Variants in LRRIQ3 observed in about 807,000 individuals in gnomAD.
The protein encoded by LRRIQ3 is leucine-rich repeat and IQ domain-containing protein 3.
In LRRIQ3, 75 loss-of-function variants were observed where a neutral mutation model predicts 59.3. That is an observed-to-expected ratio of 1.26 (90% CI 1.05 to 1.53). LRRIQ3 has a LOEUF of 1.53. Among genes scored for constraint, LRRIQ3 ranks in the 40% most tolerant of loss-of-function variants. The pLI, the probability that LRRIQ3 is intolerant of heterozygous loss-of-function variation, is 0.00. For synonymous variants in LRRIQ3, 250 were observed against 231.3 expected, an observed-to-expected ratio of 1.08 and a Z score of -0.73; for missense variants, 831 against 710.0, an observed-to-expected ratio of 1.17 and a Z score of -1.94.
intron 3 of LRRIQ3, chr1:74,181,756 T>A (rs968602871): frequency 3.3e-5 from 5 of 151,876 alleles, no homozygotes; most frequent in East Asian, 1.9e-4. Context: ...AGTAATAAAA[T>A]TCTTCCAACT....
intron 7 of LRRIQ3, among the ~76,000 whole-genome samples, chr1:74,029,940 T>C (rs953059458): frequency 3.3e-5 from 5 of 152,040 alleles, no homozygotes; most frequent in African/African-American, 1.2e-4. Flanking sequence ...GGTGTATGTG[T>C]CAAGGAATTT....
intron 5 of LRRIQ3, among the ~76,000 whole-genome samples, chr1:74,090,710 G>T (rs991952957): frequency 6.6e-6 from 1 of 151,384 alleles, no homozygotes; most frequent in Non-Finnish European, 1.5e-5. Flanking sequence ...CAACAACCTT[G>T]TCTCTAAAAA....
chr1:74,061,449 T>G (rs1316850821), intron 6 of LRRIQ3, among the ~76,000 whole-genome samples: 2 of 152,238 alleles, frequency 1.3e-5, no homozygotes, highest in Non-Finnish European at 2.9e-5. Flanking sequence ...ATTTTAAAAT[T>G]CGTATGGAAC....
intron 4 of LRRIQ3, among the ~76,000 whole-genome samples, chr1:74,123,018 G>C (rs1301128241): frequency 6.6e-6 from 1 of 152,112 alleles, no homozygotes; most frequent in Non-Finnish European, 1.5e-5. Flanking sequence ...TATTTCATTA[G>C]TCTTTTGAGA....
intron 4 of LRRIQ3, among the ~76,000 whole-genome samples, chr1:74,134,980 C>T (rs1647097628): frequency 6.6e-6 from 1 of 151,812 alleles, no homozygotes; most frequent in Non-Finnish European, 1.5e-5. Context: ...AATAGCAAAA[C>T]GTAAGTTTCT....
chr1:74,066,297 G>T lies in LRRIQ3; in HGVS notation c.997+8364C>A, dbSNP rs180868923. ...TCAAAGATCTCTAAAAATCAAGATA[G>T]CCTGTATATTACATAAATAATTATT... On this transcript the variant is annotated intron_variant, in intron 6 of 7. Coordinates refer to ENST00000354431, the MANE Select transcript of LRRIQ3 (RefSeq NM_001105659.2). Among the ~76,000 whole-genome samples, 66 of 151,438 alleles carry T rather than the reference G, an allele frequency of 4.4e-4. 1 individual carries two copies. Among genetic ancestry groups the T allele is most frequent in the East Asian group, 3.3e-3 (17 of 5,156 alleles).
chr1:74,183,731 A>C, intron 1 of LRRIQ3, 47 bp from the exon 2 acceptor site: 1 of 1,394,450 alleles, frequency 7.2e-7, no homozygotes, highest in Non-Finnish European at 9.4e-7. Context: ...CACTTTCAAA[A>C]ATTTACCTGA....
At chr1:74,034,314 C>T (rs1453783243) in intron 7 of LRRIQ3, among the ~76,000 whole-genome samples, 3 of 151,914 alleles carry the variant, frequency 2.0e-5, no homozygotes, top group African/African-American at 7.2e-5. Context: ...TAGAGTAAAA[C>T]TCAAAGATGC....
intron 6 of LRRIQ3, among the ~76,000 whole-genome samples, chr1:74,052,279 TG>T (rs901017431): frequency 1.3e-5 from 2 of 152,280 alleles, no homozygotes; most frequent in Admixed American, 1.3e-4. Context: ...CTACAGCCAC[TG>T]TTGGATAGTA....
intron 5 of LRRIQ3, among the ~76,000 whole-genome samples, chr1:74,095,966 A>G (rs1646444103): frequency 6.6e-6 from 1 of 152,058 alleles, no homozygotes; most frequent in South Asian, 2.1e-4. Context: ...TATTCTTTCA[A>G]TATTTACCAT....
intron 6 of LRRIQ3, among the ~76,000 whole-genome samples, chr1:74,049,545 G>T (rs1557592846): frequency 1.3e-5 from 2 of 152,076 alleles, no homozygotes; most frequent in Admixed American, 6.6e-5. Flanking sequence ...GCAGAAGTGA[G>T]AAAGAAAAAA....
intron 6 of LRRIQ3, among the ~76,000 whole-genome samples, chr1:74,070,189 G>T (rs563848991): frequency 6.6e-6 from 1 of 152,014 alleles, no homozygotes; most frequent in Non-Finnish European, 1.5e-5. Flanking sequence ...CATGTTCATT[G>T]CAGCACTATT....
chr1:74,088,401 A>G (rs1042500112), intron 5 of LRRIQ3, among the ~76,000 whole-genome samples: 6 of 152,198 alleles, frequency 3.9e-5, no homozygotes, highest in East Asian at 1.9e-4. Flanking sequence ...GATTCTTAAG[A>G]TTTTTTGTCC....
chr1:74,154,240 C>CAAACAAAAAAAAAAAAAAAAAA (rs1648176929), intron 4 of LRRIQ3, among the ~76,000 whole-genome samples: 4 of 57,290 alleles, frequency 7.0e-5, no homozygotes, highest in African/African-American at 2.9e-4. Flanking sequence ...GACTCCTTCT[C>CAAACAAAAAAAAAAAAAAAAAA]AAAAAAAAAA....
rs180780506 is a variant in LRRIQ3, at chr1:74,121,831, G to T, written c.708-12278C>A. 2.1e-3 allele frequency among the ~76,000 whole-genome samples: 306 copies of T among 147,160 alleles called. 3 individuals are homozygous for T. The highest frequency in any genetic ancestry group is 6.9e-3 in the African/African-American group (275 of 39,706). ...TCCCACCTATGAGTGAGAACATGCA[G>T]TTTTTGGTTTTTTGTCCTTGCGACA... On this transcript the variant is annotated intron_variant, in intron 4 of 7. Coordinates refer to ENST00000354431, the MANE Select transcript of LRRIQ3 (RefSeq NM_001105659.2).
chr1:74,133,532 A>G (rs1343565142), intron 4 of LRRIQ3, among the ~76,000 whole-genome samples: 2 of 152,180 alleles, frequency 1.3e-5, no homozygotes, highest in Admixed American at 1.3e-4. Context: ...CTATGCAGCC[A>G]TAAAAAATGA....
At chr1:74,176,582 A>G (rs1450395186) in intron 3 of LRRIQ3, among the ~76,000 whole-genome samples, 2 of 152,196 alleles carry the variant, frequency 1.3e-5, no homozygotes, top group East Asian at 3.9e-4. Flanking sequence ...CTCTGATGAC[A>G]TGAAAGTTAT....
intron 4 of LRRIQ3, among the ~76,000 whole-genome samples, chr1:74,114,069 C>T (rs1488389158): frequency 6.6e-6 from 1 of 151,312 alleles, no homozygotes; most frequent in Non-Finnish European, 1.5e-5. Context: ...GGATCTATAA[C>T]ATATAGAAAC....
At chr1:74,095,813 C>T (rs1553165774) in intron 5 of LRRIQ3, among the ~76,000 whole-genome samples, 6 of 151,976 alleles carry the variant, frequency 3.9e-5, no homozygotes, top group Non-Finnish European at 2.9e-5. Flanking sequence ...ACTTTACAAT[C>T]ATATAGTTAT....
Sources: gnomAD v4.1 joint callset for allele counts (sites outside exome capture counted in the v4.1 genomes callset) on GRCh38, gnomAD v4.1.1 for gene constraint, MANE v1.5 for transcripts, NCBI Gene and HGNC (gene_info 2026-07-23, HGNC 2026-07-21) for gene names.